B3GLCT: variants seen among roughly 807,000 people sequenced by gnomAD.
B3GLCT encodes beta 3-glucosyltransferase.
In B3GLCT, 65 loss-of-function variants were observed where a neutral mutation model predicts 63.4. The ratio of observed to expected loss-of-function variants is 1.03; its 90% CI spans 0.84 to 1.26. The LOEUF (loss-of-function observed/expected upper bound fraction) is 1.26, where lower values mean the gene tolerates loss of function less well. Among genes scored for constraint, B3GLCT ranks in the 50% most tolerant of loss-of-function variants. The pLI is 0.00. For missense variants in B3GLCT, 577 were observed against 604.8 expected (o/e 0.95, Z 0.48); for synonymous variants, 233 against 219.2 (o/e 1.06, Z -0.55).
intron 12 of B3GLCT, among the ~76,000 whole-genome samples, chr13:31,295,406 T>C (rs1253501731): frequency 1.3e-5 from 2 of 152,196 alleles, no homozygotes; most frequent in Non-Finnish European, 2.9e-5. Context: ...CTGCTGAAGC[T>C]GTGCCCACTG....
chr13:31,215,469 A>C (rs1402634899), intron 2 of B3GLCT, among the ~76,000 whole-genome samples: 1 of 152,072 alleles, frequency 6.6e-6, no homozygotes, highest in African/African-American at 2.4e-5. Context: ...GCTGGAGTGC[A>C]GTGGCACGAT....
chr13:31,314,255 C>A (rs1874876838), intron 12 of B3GLCT, among the ~76,000 whole-genome samples: 1 of 152,204 alleles, frequency 6.6e-6, no homozygotes, highest in African/African-American at 2.4e-5. Flanking sequence ...GGGCCACTGT[C>A]CTCCAGACCA....
chr13:31,219,716 T>C (rs1416566625), intron 2 of B3GLCT, among the ~76,000 whole-genome samples: 2 of 152,192 alleles, frequency 1.3e-5, no homozygotes, highest in East Asian at 3.9e-4. Flanking sequence ...CTTAGAACAA[T>C]GCCAGGTCCT....
intron 2 of B3GLCT, among the ~76,000 whole-genome samples, chr13:31,220,504 A>T (rs1205891809): frequency 6.6e-6 from 1 of 152,238 alleles, no homozygotes; most frequent in African/African-American, 2.4e-5. Flanking sequence ...AAATAATAAA[A>T]CAAACCATGT....
chr13:31,237,660 G>T (rs1208410978), intron 4 of B3GLCT, among the ~76,000 whole-genome samples: 2 of 152,110 alleles, frequency 1.3e-5, no homozygotes, highest in African/African-American at 4.8e-5. Context: ...CCGTCTACTG[G>T]AGGCTGTTTT....
chr13:31,294,021 G>A (rs965524704), intron 12 of B3GLCT, among the ~76,000 whole-genome samples: 1 of 152,298 alleles, frequency 6.6e-6, no homozygotes, highest in Admixed American at 6.5e-5. Flanking sequence ...AAATCTCTCA[G>A]CATTTGCTTG....
At position 31,274,398 on chromosome 13, in the gene B3GLCT, G is replaced by A. The variant is rs912600; in HGVS notation, c.661-111G>A. 0.93 allele frequency: 1,304,308 copies of A among 1,398,300 alleles called. 608,878 individuals carry two copies. Among genetic ancestry groups the A allele is most frequent in the East Asian group, 1 (43,679 of 43,748 alleles). The allele number at this position is 1,398,300 out of a possible 1,614,324, so 86.6% of individuals were successfully genotyped here. A position where few individuals can be genotyped will look rare whatever the true frequency, so the allele number is the denominator to read the frequency against. On this transcript the variant is annotated intron_variant, in intron 8 of 14. Coordinates refer to ENST00000343307, the MANE Select transcript of B3GLCT (RefSeq NM_194318.4). Reference sequence around the variant, plus strand: ...AATACTGACAAATTGATATGGTTCAGCCTACTCTCTATGGAAGATGTGTTC... The same window carrying A: ...AATACTGACAAATTGATATGGTTCAACCTACTCTCTATGGAAGATGTGTTC...
intron 1 of B3GLCT, among the ~76,000 whole-genome samples, chr13:31,202,803 C>T (rs905667086): frequency 6.6e-6 from 1 of 152,060 alleles, no homozygotes; most frequent in African/African-American, 2.4e-5. Flanking sequence ...CCATGGTGGC[C>T]ATCTTGTGAC....
At chr13:31,241,736 C>G (rs144587339) in intron 4 of B3GLCT, among the ~76,000 whole-genome samples, 213 of 152,254 alleles carry the variant, frequency 1.4e-3, no homozygotes, top group Middle Eastern at 3.4e-3. Context: ...TGGTAGACTC[C>G]CATCTTGGGC....
chr13:31,256,329 G>A (rs962571812), intron 6 of B3GLCT, among the ~76,000 whole-genome samples: 3 of 152,200 alleles, frequency 2.0e-5, no homozygotes, highest in African/African-American at 7.2e-5. Context: ...CACTGTTGGT[G>A]GGAGTGTAAA....
chr13:31,203,588 G>GAAGC (rs763891807), intron 1 of B3GLCT, among the ~76,000 whole-genome samples: 2 of 152,168 alleles, frequency 1.3e-5, no homozygotes, highest in South Asian at 2.1e-4. Flanking sequence ...GACTCATTAT[G>GAAGC]AAGCAAGCAA....
At chr13:31,286,634 A>G (rs1208642042) in intron 11 of B3GLCT, 86 bp from the exon 12 acceptor site, 2 of 985,540 alleles carry the variant, frequency 2.0e-6, no homozygotes, top group East Asian at 2.7e-5. Context: ...AGCTCTTAGA[A>G]CACTTCAAAA....
Position 31,327,674 on chromosome 13 carries a change from TCA to T in B3GLCT, c.1330-1826_1330-1825del, listed in dbSNP as rs146157484. ...GGTTTTCTTCCTTGCCAGTAAACTC[TCA>T]GAGGGCCTTGCAAAGAAACGTCGTA... On this transcript the variant is annotated intron_variant, in intron 14 of 14. Coordinates refer to ENST00000343307, the MANE Select transcript of B3GLCT (RefSeq NM_194318.4). Among the ~76,000 whole-genome samples the T allele has an allele frequency of 5.0e-3, 761 of 152,300 alleles. 8 individuals carry two copies. The highest frequency in any genetic ancestry group is 0.018 in the African/African-American group (731 of 41,564).
chr13:31,264,680 G>T (rs1872205798), intron 7 of B3GLCT, among the ~76,000 whole-genome samples: 1 of 152,094 alleles, frequency 6.6e-6, no homozygotes, highest in African/African-American at 2.4e-5. Context: ...TATTCTTCAA[G>T]AAACTGGTAT....
At chr13:31,234,312 G>A (rs1357139902) in intron 4 of B3GLCT, among the ~76,000 whole-genome samples, 2 of 152,092 alleles carry the variant, frequency 1.3e-5, no homozygotes, top group African/African-American at 4.8e-5. Context: ...GAGCCACTGT[G>A]CCTGGCCAAG....
At chr13:31,230,567 T>C (rs1870326563) in intron 4 of B3GLCT, among the ~76,000 whole-genome samples, 1 of 152,240 alleles carries the variant, frequency 6.6e-6, no homozygotes, top group African/African-American at 2.4e-5. Context: ...ATATATAAAC[T>C]GTATCAAACT....
intron 7 of B3GLCT, among the ~76,000 whole-genome samples, chr13:31,263,085 T>C (rs548036508): frequency 3.9e-5 from 6 of 152,258 alleles, no homozygotes; most frequent in Admixed American, 2.0e-4. Context: ...GGTAGAGCTA[T>C]ATGGCAAGCG....
At position 31,215,044 on chromosome 13, in the gene B3GLCT, T is replaced by C; in HGVS notation, c.71-7T>C. 1 of 1,607,218 alleles carries C rather than the reference T, an allele frequency of 6.2e-7. No homozygotes were observed. The highest frequency in any genetic ancestry group is 8.5e-7 in the Non-Finnish European group (1 of 1,178,536). On this transcript the variant is annotated splice_polypyrimidine_tract_variant and splice_region_variant and intron_variant, in intron 1 of 14. Transcript: ENST00000343307. ...GGTAGAAATATTTCTTTTTTTTTTT[T>C]TTCCAGCTTTTGGTTTGGCTTCTGA...
intron 1 of B3GLCT, among the ~76,000 whole-genome samples, chr13:31,205,448 A>G (rs1488709296): frequency 6.6e-6 from 1 of 151,902 alleles, no homozygotes; most frequent in South Asian, 2.1e-4. Context: ...AGTCCCAGCT[A>G]CTTAGGAGGC....
Sources: gnomAD v4.1 joint callset for allele counts (sites outside exome capture counted in the v4.1 genomes callset) on GRCh38, gnomAD v4.1.1 for gene constraint, MANE v1.5 for transcripts, NCBI Gene and HGNC (gene_info 2026-07-23, HGNC 2026-07-21) for gene names.